Variants in GLIS3 observed in about 807,000 individuals in gnomAD.
GLIS3 encodes the protein GLIS family zinc finger 3, also known as zinc finger protein GLIS3.
In GLIS3, 53 loss-of-function variants were observed where a neutral mutation model predicts 78.6. The observed-to-expected ratio is 0.67, with a 90% CI of 0.54 to 0.85. The LOEUF (loss-of-function observed/expected upper bound fraction) is 0.85. Ranked by LOEUF, GLIS3 falls within the 40% of genes least tolerant of loss-of-function variation. The pLI is 0.00. For missense variants in GLIS3, 1,703 were observed against 1,231.1 expected, an observed-to-expected ratio of 1.38 and a Z score of -5.74; for synonymous variants, 684 against 509.9, an observed-to-expected ratio of 1.34 and a Z score of -4.60.
intron 2 of GLIS3, among the ~76,000 whole-genome samples, chr9:4,189,193 T>G (rs1818097147): frequency 6.6e-6 from 1 of 152,058 alleles, no homozygotes; most frequent in Admixed American, 6.6e-5. Context: ...TCTGGTATGT[T>G]GTGTCTTTGT....
intron 2 of GLIS3, among the ~76,000 whole-genome samples, chr9:4,272,208 A>C (rs187251281): frequency 1.3e-5 from 2 of 152,306 alleles, no homozygotes; most frequent in African/African-American, 4.8e-5. Flanking sequence ...CTTTTAACTC[A>C]CATAGACACA....
chr9:4,134,209 G>T (rs1391753258), intron 2 of GLIS3, among the ~76,000 whole-genome samples: 2 of 152,112 alleles, frequency 1.3e-5, no homozygotes, highest in African/African-American at 4.8e-5. Context: ...AAGTAGAGTT[G>T]AAAGCCAATT....
intron 2 of GLIS3, among the ~76,000 whole-genome samples, chr9:4,166,211 G>C (rs1835880031): frequency 6.6e-6 from 1 of 152,162 alleles, no homozygotes; most frequent in Non-Finnish European, 1.5e-5. Context: ...AAAACTGTTA[G>C]CTATAATCAA....
At chr9:4,358,618 A>T in the GLIS3 span, among the ~76,000 whole-genome samples, 1 of 152,138 alleles carries the variant, frequency 6.6e-6, no homozygotes, top group Admixed American at 6.5e-5. Flanking sequence ...CCCTATTTAG[A>T]TGGGAGTTTT....
chr9:4,053,702 T>C (rs1411801110), intron 4 of GLIS3, among the ~76,000 whole-genome samples: 1 of 28,658 alleles, frequency 3.5e-5, no homozygotes, highest in African/African-American at 6.2e-5. Context: ...TTTTCTTTCT[T>C]CATAAAAAAA....
the GLIS3 span, among the ~76,000 whole-genome samples, chr9:4,451,542 A>G: frequency 1.3e-5 from 2 of 152,200 alleles, no homozygotes; most frequent in Admixed American, 6.5e-5. Flanking sequence ...TCAACAGAAT[A>G]TACATTCTTC....
At chr9:4,387,085 T>C in the GLIS3 span, among the ~76,000 whole-genome samples, 1 of 152,134 alleles carries the variant, frequency 6.6e-6, no homozygotes, top group South Asian at 2.1e-4. Flanking sequence ...GGAAATGAAT[T>C]TGGTTAAAAG....
intron 2 of GLIS3, among the ~76,000 whole-genome samples, chr9:4,143,591 A>C (rs1472997855): frequency 6.6e-6 from 1 of 151,964 alleles, no homozygotes; most frequent in Non-Finnish European, 1.5e-5. Context: ...ACAAAAAAAA[A>C]CTACTCTCTT....
At chr9:4,170,864 C>T (rs1306858759) in intron 2 of GLIS3, among the ~76,000 whole-genome samples, 6 of 152,146 alleles carry the variant, frequency 3.9e-5, no homozygotes, top group Non-Finnish European at 5.9e-5. Context: ...CATGAATTCT[C>T]ATAACTGGGG....
intron 2 of GLIS3, among the ~76,000 whole-genome samples, chr9:4,335,158 T>G (rs1817740264): frequency 6.6e-6 from 1 of 152,122 alleles, no homozygotes; most frequent in Admixed American, 6.5e-5. Context: ...TCCACCCGCC[T>G]TGGCATCCCA....
At chr9:4,311,510 G>A (rs544099987) in intron 2 of GLIS3, among the ~76,000 whole-genome samples, 10 of 152,278 alleles carry the variant, frequency 6.6e-5, no homozygotes, top group African/African-American at 2.4e-4. Context: ...GACTCCCAGA[G>A]AAATCCATTA....
At chr9:4,079,123 T>C (rs1828329068) in intron 4 of GLIS3, among the ~76,000 whole-genome samples, 1 of 152,220 alleles carries the variant, frequency 6.6e-6, no homozygotes, top group Admixed American at 6.5e-5. Context: ...TTTCAGCTTG[T>C]ATCATCATTA....
At chr9:4,145,560 T>A (rs13284170) in intron 2 of GLIS3, among the ~76,000 whole-genome samples, 40,898 of 151,962 alleles carry the variant, frequency 0.27, 5,725 homozygotes, top group Admixed American at 0.34. Context: ...AAAATGAATC[T>A]AATAACATTC....
At chr9:3,906,605 CAG>C (rs1372346096) in intron 6 of GLIS3, among the ~76,000 whole-genome samples, 1 of 152,176 alleles carries the variant, frequency 6.6e-6, no homozygotes, top group Non-Finnish European at 1.5e-5. Context: ...TACCTGCACA[CAG>C]AGGGTGGGTT....
intron 2 of GLIS3, among the ~76,000 whole-genome samples, chr9:4,194,339 C>A (rs1258662315): frequency 6.6e-6 from 1 of 152,132 alleles, no homozygotes; most frequent in Non-Finnish European, 1.5e-5. Context: ...GGATTACAGG[C>A]GTGAGCCACA....
chr9:4,032,931 G>C (rs1482841173), intron 4 of GLIS3, among the ~76,000 whole-genome samples: 1 of 151,796 alleles, frequency 6.6e-6, no homozygotes, highest in African/African-American at 2.4e-5. Flanking sequence ...TCGGCTCACT[G>C]CAAGCTCCGC....
the GLIS3 span, among the ~76,000 whole-genome samples, chr9:4,422,810 C>T: frequency 6.6e-6 from 1 of 152,144 alleles, no homozygotes; most frequent in South Asian, 2.1e-4. Flanking sequence ...GTGATATTTG[C>T]ACTGAGACCT....
chr9:4,179,199 A>C (rs1245049585), intron 2 of GLIS3, among the ~76,000 whole-genome samples: 2 of 152,206 alleles, frequency 1.3e-5, no homozygotes, highest in African/African-American at 4.8e-5. Flanking sequence ...AAATGTGTGA[A>C]CCAAACATGA....
intron 2 of GLIS3, among the ~76,000 whole-genome samples, chr9:4,225,114 G>A (rs927597473): frequency 6.6e-6 from 1 of 151,236 alleles, no homozygotes. Flanking sequence ...TACAGATAAG[G>A]AAAATGAGCC....
Sources: allele counts gnomAD v4.1 joint callset (sites outside exome capture counted in the v4.1 genomes callset), GRCh38; gene constraint gnomAD v4.1.1; transcripts MANE v1.5; gene names NCBI Gene and HGNC (gene_info 2026-07-23, HGNC 2026-07-21).